Variants in ACBD6 observed in about 807,000 individuals in gnomAD.
The protein encoded by ACBD6 is acyl-CoA binding domain containing 6, also known as acyl-CoA-binding domain-containing protein 6.
ACBD6 carries 28 observed loss-of-function variants against 37.2 expected under a neutral mutation model. The ratio of observed to expected loss-of-function variants is 0.75; its 90% CI spans 0.56 to 1.03. The LOEUF (loss-of-function observed/expected upper bound fraction) is 1.03. ACBD6 is among the 50% of genes least tolerant of loss of function. ACBD6 has a pLI of 0.00. For synonymous variants in ACBD6, 113 were observed against 126.8 expected, an observed-to-expected ratio of 0.89 and a Z score of 0.73; for missense variants, 340 against 337.4, an observed-to-expected ratio of 1.01 and a Z score of -0.06.
At chr1:180,391,572 C>G (rs1400398294) in intron 6 of ACBD6, among the ~76,000 whole-genome samples, 1 of 152,030 alleles carries the variant, frequency 6.6e-6, no homozygotes, top group Non-Finnish European at 1.5e-5. Context: ...CATTAACCAT[C>G]AAGGAAATGA....
intron 3 of ACBD6, among the ~76,000 whole-genome samples, chr1:180,485,728 C>G (rs540643192): frequency 6.6e-6 from 1 of 152,158 alleles, no homozygotes; most frequent in Admixed American, 6.5e-5. Context: ...TACAGTAGCC[C>G]TAGGAAACTA....
chr1:180,502,028 T>C lies in ACBD6; in HGVS notation c.222+17A>G, dbSNP rs1266616737. 6.2e-7 allele frequency: 1 copy of C among 1,611,908 alleles called. No individual in the cohort carries two copies. Among genetic ancestry groups the C allele is most frequent in the Non-Finnish European group, 8.5e-7 (1 of 1,178,880 alleles). Reference sequence around the variant, plus strand: ...CCGTGTCTTTCTCCCCCATCCACCCTCTCCCTGCTACTTTACCTGTTTGTA... The same window carrying C: ...CCGTGTCTTTCTCCCCCATCCACCCCCTCCCTGCTACTTTACCTGTTTGTA... On this transcript the variant is annotated intron_variant, in intron 1 of 7. Coordinates refer to ENST00000367595, the MANE Select transcript of ACBD6 (RefSeq NM_032360.4).
intron 3 of ACBD6, among the ~76,000 whole-genome samples, chr1:180,485,338 T>C (rs1651220492): frequency 6.6e-6 from 1 of 152,306 alleles, no homozygotes; most frequent in Non-Finnish European, 1.5e-5. Flanking sequence ...TGCCCAAATC[T>C]TAATCCCAAG....
At chr1:180,357,189 T>C (rs993058740) in intron 6 of ACBD6, among the ~76,000 whole-genome samples, 1 of 152,224 alleles carries the variant, frequency 6.6e-6, no homozygotes, top group Non-Finnish European at 1.5e-5. Context: ...ACACTTTATA[T>C]GTGCCAACTT....
At chr1:180,385,266 T>C (rs1202585950) in intron 6 of ACBD6, among the ~76,000 whole-genome samples, 1 of 149,576 alleles carries the variant, frequency 6.7e-6, no homozygotes, top group African/African-American at 2.5e-5. Flanking sequence ...AAGAAAAAAA[T>C]AGAGAAACAG....
chr1:180,443,731 G>A (rs1470418906), intron 3 of ACBD6, among the ~76,000 whole-genome samples: 1 of 151,480 alleles, frequency 6.6e-6, no homozygotes, highest in Non-Finnish European at 1.5e-5. Flanking sequence ...TCCCGCCTCA[G>A]CCTCCCAAGT....
At chr1:180,405,118 A>AT (rs1226106307) in intron 5 of ACBD6, among the ~76,000 whole-genome samples, 2 of 152,176 alleles carry the variant, frequency 1.3e-5, no homozygotes, top group African/African-American at 4.8e-5. Context: ...AAGAGGATGC[A>AT]TTTTTTCTTC....
At chr1:180,436,435 G>A (rs1279060996) in intron 3 of ACBD6, among the ~76,000 whole-genome samples, 4 of 152,110 alleles carry the variant, frequency 2.6e-5, no homozygotes, top group East Asian at 1.9e-4. Flanking sequence ...ACACCAAAAC[G>A]TCTGCAGAGT....
intron 6 of ACBD6, among the ~76,000 whole-genome samples, chr1:180,365,284 G>A (rs1295101235): frequency 1.3e-5 from 2 of 152,154 alleles, no homozygotes; most frequent in African/African-American, 4.8e-5. Flanking sequence ...ACGTGCCCAC[G>A]ATTGCCATAT....
chr1:180,318,968 A>G (rs1425067999), intron 6 of ACBD6, among the ~76,000 whole-genome samples: 1 of 152,172 alleles, frequency 6.6e-6, no homozygotes, highest in Non-Finnish European at 1.5e-5. Flanking sequence ...TTGTCTATGC[A>G]TTTAAAGAGG....
At chr1:180,493,074 C>A (rs1240978041) in intron 2 of ACBD6, among the ~76,000 whole-genome samples, 1 of 151,624 alleles carries the variant, frequency 6.6e-6, no homozygotes, top group Non-Finnish European at 1.5e-5. Flanking sequence ...CATGGTGAAA[C>A]CCCATCTCTA....
intron 6 of ACBD6, among the ~76,000 whole-genome samples, chr1:180,340,588 T>C (rs1651941925): frequency 1.4e-5 from 2 of 147,948 alleles, no homozygotes; most frequent in Admixed American, 6.7e-5. Flanking sequence ...AGTATAACTG[T>C]ATCCTGATGG....
chr1:180,291,143 G>C (rs1030867820), intron 7 of ACBD6, among the ~76,000 whole-genome samples: 3 of 152,148 alleles, frequency 2.0e-5, no homozygotes, highest in African/African-American at 7.2e-5. Context: ...AGTCATCTGG[G>C]CTGCTTCCAA....
chr1:180,414,889 G>A (rs1482234570), intron 4 of ACBD6, among the ~76,000 whole-genome samples: 5 of 152,236 alleles, frequency 3.3e-5, no homozygotes, highest in Non-Finnish European at 1.5e-5. Flanking sequence ...CCCCAGAAAA[G>A]AGAATTCTGA....
At chr1:180,434,865 T>TGG (rs1240002137) in intron 3 of ACBD6, 7 of 756,892 alleles carry the variant, frequency 9.2e-6, no homozygotes, top group Admixed American at 5.2e-5. Context: ...CCAAGGGTTA[T>TGG]GGATTTGGCT....
Position 180,370,892 on chromosome 1 carries a change from G to T in ACBD6, c.663+26624C>A, listed in dbSNP as rs56290949. The stretch of plus-strand genomic sequence containing the variant: ...ATTTTAATGTGTATGCAAACTTATG[G>T]AAAACATGTGGGTTCCAAGACAAAT... On this transcript the variant is annotated intron_variant, in intron 6 of 7. Coordinates refer to ENST00000367595, the MANE Select transcript of ACBD6 (RefSeq NM_032360.4). Among the ~76,000 whole-genome samples, 1,242 of 152,086 alleles carry T rather than the reference G, an allele frequency of 8.2e-3. 11 individuals carry two copies. The highest frequency in any genetic ancestry group is 0.016 in the East Asian group (85 of 5,190).
intron 6 of ACBD6, among the ~76,000 whole-genome samples, chr1:180,329,442 T>G (rs1558252061): frequency 1.3e-5 from 2 of 152,204 alleles, no homozygotes; most frequent in African/African-American, 2.4e-5. Context: ...TGCTAAGGAT[T>G]GGAAATCAGA....
chr1:180,298,634 C>T (rs1399541070), intron 7 of ACBD6, among the ~76,000 whole-genome samples: 5 of 152,108 alleles, frequency 3.3e-5, no homozygotes, highest in Non-Finnish European at 7.4e-5. Context: ...CTACCTGAGG[C>T]TAATAATAAT....
chr1:180,279,123 T>G (rs1571309635), intron 9 of ACBD6: 1 of 152,072 alleles, frequency 6.6e-6, no homozygotes, highest in East Asian at 1.9e-4. Context: ...ATGCCAGAAC[T>G]ATTATACTTA....
Sources: allele counts gnomAD v4.1 joint callset (sites outside exome capture counted in the v4.1 genomes callset), GRCh38; gene constraint gnomAD v4.1.1; transcripts MANE v1.5; gene names NCBI Gene and HGNC (gene_info 2026-07-23, HGNC 2026-07-21).